The following KIAA1217 variants were observed in gnomAD, a reference collection of about 807,000 sequenced individuals.
The protein encoded by KIAA1217 is KIAA1217.
Under a neutral mutation model 163.9 loss-of-function variants are expected in KIAA1217, and 88 were observed. The observed-to-expected ratio is 0.54, with a 90% CI of 0.45 to 0.64. The LOEUF is 0.64. Among genes scored for constraint, KIAA1217 ranks in the 30% least tolerant of loss-of-function variants. The probability of loss-of-function intolerance (pLI) is 0.00; values close to 1 mark genes in which losing one functional copy is unlikely to be tolerated. For synonymous variants in KIAA1217, 903 were observed against 923.1 expected, an observed-to-expected ratio of 0.98 and a Z score of 0.39; for missense variants, 2,372 against 2,475.0, an observed-to-expected ratio of 0.96 and a Z score of 0.88.
chr10:24,176,875 G>A (rs1292755732), intron 2 of KIAA1217, among the ~76,000 whole-genome samples: 1 of 152,140 alleles, frequency 6.6e-6, no homozygotes, highest in Non-Finnish European at 1.5e-5. Context: ...GCCCCACGGG[G>A]AGGCAGCTGA....
intron 1 of KIAA1217, among the ~76,000 whole-genome samples, chr10:23,831,146 A>C (rs1313816798): frequency 6.6e-6 from 1 of 152,188 alleles, no homozygotes; most frequent in Non-Finnish European, 1.5e-5. Flanking sequence ...GCTACACACA[A>C]AAATCAACTC....
Position 23,775,403 on chromosome 10 carries a change from A to T in KIAA1217, c.-321+80169A>T, listed in dbSNP as rs147552491. Among the ~76,000 whole-genome samples, 125 of 152,288 alleles carry T rather than the reference A, an allele frequency of 8.2e-4. 2 individuals carry two copies. The highest frequency in any genetic ancestry group is 1.4e-3 in the Non-Finnish European group (97 of 68,022). ...AAGGATGGCAATACTATTGATTGAC[A>T]TTAGAAGGGAGGTTTTTGGGGAGAG... is the stretch of plus-strand genomic sequence containing the variant. On this transcript the variant is annotated intron_variant, in intron 1 of 18. Coordinates refer to the KIAA1217 transcript ENST00000376462.
At chr10:24,033,086 A>G (rs147993989) in intron 2 of KIAA1217, among the ~76,000 whole-genome samples, 27 of 152,360 alleles carry the variant, frequency 1.8e-4, no homozygotes, top group African/African-American at 6.5e-4. Context: ...CTTGGCACTG[A>G]CAATTTTATA....
chr10:24,485,899 T>G (rs2065331708), intron 6 of KIAA1217, among the ~76,000 whole-genome samples: 1 of 152,190 alleles, frequency 6.6e-6, no homozygotes, highest in Non-Finnish European at 1.5e-5. Flanking sequence ...TTAATGAACT[T>G]GAATGCAGCA....
At chr10:23,912,711 T>A (rs1842485973) in intron 1 of KIAA1217, among the ~76,000 whole-genome samples, 1 of 152,196 alleles carries the variant, frequency 6.6e-6, no homozygotes, top group Admixed American at 6.6e-5. Context: ...TGTTTCTATG[T>A]GTGTGTTTCA....
In KIAA1217 at chr10:23,912,441, C is replaced by T. The variant is rs74354278; in HGVS notation, c.-320-94784C>T. On this transcript the variant is annotated intron_variant, in intron 1 of 18. Transcript: ENST00000376462. Reference sequence around the variant, plus strand: ...TTTGGTGTACCCATCATCTAAATAGCGAACATTGTACCCAAGAGGTACTTT... The same window carrying T: ...TTTGGTGTACCCATCATCTAAATAGTGAACATTGTACCCAAGAGGTACTTT... Among the ~76,000 whole-genome samples, 1,062 of 151,892 alleles carry T rather than the reference C, an allele frequency of 7.0e-3. 12 individuals are homozygous for T. Among genetic ancestry groups the T allele is most frequent in the African/African-American group, 0.024 (1,003 of 41,396 alleles).
At chr10:24,341,602 T>C (rs2047107778) in intron 2 of KIAA1217, among the ~76,000 whole-genome samples, 1 of 152,076 alleles carries the variant, frequency 6.6e-6, no homozygotes, top group South Asian at 2.1e-4. Context: ...GTATTTCCTT[T>C]TATACTCTGC....
chr10:23,751,142 C>T (rs1171631055), intron 1 of KIAA1217, among the ~76,000 whole-genome samples: 1 of 152,050 alleles, frequency 6.6e-6, no homozygotes, highest in Non-Finnish European at 1.5e-5. Flanking sequence ...ATTCTTGTGC[C>T]TCAGCCTCCC....
At chr10:24,388,492 G>C (rs995383574) in intron 3 of KIAA1217, among the ~76,000 whole-genome samples, 2 of 152,150 alleles carry the variant, frequency 1.3e-5, no homozygotes, top group African/African-American at 4.8e-5. Flanking sequence ...TCAGGACAGA[G>C]GCATGGGCAA....
In KIAA1217 at chr10:24,402,523, C is replaced by CAAAAAAAAAAAAAA. The variant is rs1173653514; in HGVS notation, c.553+21460_553+21461insAAAAAAAAAAAAAA. Reference sequence around the variant, plus strand: ...GACTCCCTCTCAAAAAAACAAAAAACAAAACAAAAAAAAAAAAAAGGCAAA... The same window carrying CAAAAAAAAAAAAAA: ...GACTCCCTCTCAAAAAAACAAAAAACAAAAAAAAAAAAAAAAAACAAAAAAAAAAAAAAGGCAAA... On this transcript the variant is annotated intron_variant, in intron 3 of 20. Transcript: ENST00000376454. Among the ~76,000 whole-genome samples, 8 of 71,030 alleles carry CAAAAAAAAAAAAAA rather than the reference C, an allele frequency of 1.1e-4. 1 individual carries two copies. The highest frequency in any genetic ancestry group is 3.9e-4 in the South Asian group (1 of 2,586). 46.6% of individuals were successfully genotyped at this position (71,030 alleles called of 152,430 possible).
At chr10:24,460,187 C>G (rs1391446917) in intron 5 of KIAA1217, among the ~76,000 whole-genome samples, 3 of 152,174 alleles carry the variant, frequency 2.0e-5, no homozygotes, top group African/African-American at 7.2e-5. Flanking sequence ...AATTTATAAA[C>G]CTGGAACCTC....
At chr10:24,128,171 T>A (rs1395107857) in intron 2 of KIAA1217, among the ~76,000 whole-genome samples, 1 of 152,206 alleles carries the variant, frequency 6.6e-6, no homozygotes, top group Non-Finnish European at 1.5e-5. Flanking sequence ...ATTTTCTTAA[T>A]TAAGAATTAC....
At chr10:23,890,607 A>C (rs1460564024) in intron 1 of KIAA1217, among the ~76,000 whole-genome samples, 1 of 151,934 alleles carries the variant, frequency 6.6e-6, no homozygotes, top group Non-Finnish European at 1.5e-5. Context: ...TGATAAGCTC[A>C]CATACTCTGT....
At chr10:23,996,564 A>G (rs892704856) in intron 1 of KIAA1217, among the ~76,000 whole-genome samples, 6 of 152,190 alleles carry the variant, frequency 3.9e-5, no homozygotes, top group African/African-American at 1.4e-4. Context: ...GTTGAGAAAA[A>G]AAATCCACTG....
intron 2 of KIAA1217, among the ~76,000 whole-genome samples, chr10:24,009,069 C>G (rs554683723): frequency 6.6e-6 from 1 of 152,334 alleles, no homozygotes; most frequent in African/African-American, 2.4e-5. Context: ...TAATCATTCT[C>G]TCTTGTGACT....
intron 1 of KIAA1217, among the ~76,000 whole-genome samples, chr10:23,874,224 A>G (rs960240760): frequency 2.0e-5 from 3 of 152,032 alleles, no homozygotes; most frequent in Admixed American, 6.6e-5. Context: ...GATTTGTCTA[A>G]TAATCCCTCC....
chr10:24,308,395 T>C (rs1429183847), intron 2 of KIAA1217, among the ~76,000 whole-genome samples: 2 of 152,194 alleles, frequency 1.3e-5, no homozygotes, highest in East Asian at 3.9e-4. Flanking sequence ...ATCAAAGGAA[T>C]TGGAGGTAAC....
chr10:24,173,236 T>A, intron 2 of KIAA1217, among the ~76,000 whole-genome samples: 1 of 152,182 alleles, frequency 6.6e-6, no homozygotes, highest in Non-Finnish European at 1.5e-5. Context: ...ATCTAATGCC[T>A]GATGATCTGT....
chr10:23,852,212 C>T (rs1445852325), intron 1 of KIAA1217, among the ~76,000 whole-genome samples: 1 of 152,078 alleles, frequency 6.6e-6, no homozygotes, highest in Non-Finnish European at 1.5e-5. Context: ...GGAAGGGATC[C>T]AGTTTCAGCT....
Sources: gnomAD v4.1 joint callset for allele counts (sites outside exome capture counted in the v4.1 genomes callset) on GRCh38, gnomAD v4.1.1 for gene constraint, MANE v1.5 for transcripts, NCBI Gene and HGNC (gene_info 2026-07-23, HGNC 2026-07-21) for gene names.